Variants in ADGRV1 observed in about 807,000 individuals in gnomAD.
The protein encoded by ADGRV1 is adhesion G protein-coupled receptor V1.
A neutral mutation model predicts 596.2 loss-of-function variants in ADGRV1; 359 were observed. That is an observed-to-expected ratio of 0.60 (90% CI 0.55 to 0.66). The LOEUF (loss-of-function observed/expected upper bound fraction) is 0.66, where lower values mean the gene tolerates loss of function less well. Among genes scored for constraint, ADGRV1 ranks in the 30% least tolerant of loss-of-function variants. The pLI, the probability that ADGRV1 is intolerant of heterozygous loss-of-function variation, is 0.00. For missense variants in ADGRV1, 7,274 were observed against 7,575.6 expected (o/e 0.96, Z 1.48); for synonymous variants, 2,681 against 2,679.2 (o/e 1.00, Z -0.02).
rs529306198 is a variant in ADGRV1 at position 90,705,112 on chromosome 5, T to C, written c.8387-288T>C. ...CGTGAGCCACCACACCCGGCCCAAA[T>C]TGAGTCATTTTTAAGCAAATTATCT... On this transcript the variant is annotated intron_variant, in intron 36 of 89. Transcript: ENST00000405460. Among the ~76,000 whole-genome samples, 10 of 152,264 alleles carry C rather than the reference T, an allele frequency of 6.6e-5. 1 individual carries two copies. The East Asian group carries it at 7.7e-4, about 12-fold the overall frequency.
At chr5:90,808,711 A>G (rs1333796192) in intron 73 of ADGRV1, among the ~76,000 whole-genome samples, 1 of 152,168 alleles carries the variant, frequency 6.6e-6, no homozygotes, top group Non-Finnish European at 1.5e-5. Flanking sequence ...ACTGGCCAAC[A>G]TGGCAAAACC....
At chr5:90,875,241 C>T (rs934411971) in intron 83 of ADGRV1, among the ~76,000 whole-genome samples, 3 of 152,186 alleles carry the variant, frequency 2.0e-5, no homozygotes, top group African/African-American at 7.2e-5. Flanking sequence ...TAAATGTAAT[C>T]TGTAGTGATC....
chr5:91,141,038 A>G lies in ADGRV1; in HGVS notation c.18433-8992A>G, dbSNP rs943968878. 2.6e-5 allele frequency among the ~76,000 whole-genome samples: 4 copies of G among 152,242 alleles called. No individual in the cohort carries two copies. In the South Asian group the frequency reaches 6.2e-4, roughly 24 times the overall value. ...CTCTAACCTAATGTTTCTTATGTCC[A>G]TAAGTGACACACAGAGAAATATGTT... is the stretch of plus-strand genomic sequence containing the variant. On this transcript the variant is annotated intron_variant, in intron 87 of 89. Transcript: ENST00000405460.
intron 85 of ADGRV1, among the ~76,000 whole-genome samples, chr5:91,000,014 ATAAAAT>A (rs1781729429): frequency 6.6e-6 from 1 of 152,094 alleles, no homozygotes; most frequent in African/African-American, 2.4e-5. Flanking sequence ...TATTTTTCTT[ATAAAAT>A]TAATCAATAT....
chr5:90,606,943 G>C (rs73179771), intron 1 of ADGRV1, among the ~76,000 whole-genome samples: 2,950 of 152,232 alleles, frequency 0.019, 86 homozygotes, highest in African/African-American at 0.06. Flanking sequence ...AGGGTATGTA[G>C]AGACAAAAGT....
chr5:91,051,537 ATTTTT>A (rs1192844206), intron 85 of ADGRV1, among the ~76,000 whole-genome samples: 1 of 102,484 alleles, frequency 9.8e-6, no homozygotes, highest in Non-Finnish European at 1.8e-5. Context: ...TTGACTTAGG[ATTTTT>A]TTTTTTTTTT....
intron 85 of ADGRV1, among the ~76,000 whole-genome samples, chr5:91,014,313 A>T (rs932655274): frequency 1.3e-5 from 2 of 152,008 alleles, no homozygotes; most frequent in Non-Finnish European, 2.9e-5. Context: ...ATCGATGTTT[A>T]TCAAGGATAC....
At chr5:91,075,722 A>G (rs781301538) in intron 86 of ADGRV1, among the ~76,000 whole-genome samples, 1 of 151,962 alleles carries the variant, frequency 6.6e-6, no homozygotes, top group Non-Finnish European at 1.5e-5. Context: ...TCTCCATTTC[A>G]TTATCTCAGA....
chr5:90,833,430 GCACACCAC>G (rs1304806153), intron 77 of ADGRV1, among the ~76,000 whole-genome samples: 2 of 151,954 alleles, frequency 1.3e-5, no homozygotes, highest in Non-Finnish European at 2.9e-5. Context: ...GACTACAAGT[GCACACCAC>G]CACACCTGGC....
At chr5:91,038,080 C>T (rs1288532932) in intron 85 of ADGRV1, among the ~76,000 whole-genome samples, 1 of 152,058 alleles carries the variant, frequency 6.6e-6, no homozygotes, top group Non-Finnish European at 1.5e-5. Context: ...GAAAAAAATC[C>T]AAGGTCTAAA....
At position 90,728,911 on chromosome 5, in the gene ADGRV1, A is replaced by G. The variant is rs770946790; in HGVS notation, c.10404A>G (p.Ile3468Met). The G allele has an allele frequency of 1.9e-6, 3 of 1,611,548 alleles. No homozygotes were observed. In the East Asian group the frequency reaches 6.7e-5, roughly 36 times the overall value. The change falls in exon 49 of 90, where the codon ATA becomes ATG. Residue 3468 changes from isoleucine (I) to methionine (M), a missense_variant. By Grantham distance (10) the Ile-to-Met change is conservative. Coordinates refer to ENST00000405460, the MANE Select transcript of ADGRV1 (RefSeq NM_032119.4). ...ALSSANDIYL[I>M]FAENVFLGDQ... ...CTTCAGCCAATGATATTTACCTAAT[A>G]TTTGCCGAAAATGTCTTTCTAGGTG...
At chr5:90,977,971 A>G (rs1395854817) in intron 84 of ADGRV1, among the ~76,000 whole-genome samples, 7 of 152,176 alleles carry the variant, frequency 4.6e-5, no homozygotes, top group Non-Finnish European at 4.4e-5. Flanking sequence ...ATATAACTTT[A>G]TGTTTGGCCT....
intron 84 of ADGRV1, among the ~76,000 whole-genome samples, chr5:90,975,379 C>T (rs1779466772): frequency 6.6e-6 from 1 of 152,118 alleles, no homozygotes; most frequent in Non-Finnish European, 1.5e-5. Context: ...ATAAATCATG[C>T]TGCTATAAAG....
At chr5:90,658,620 T>C (rs552496050) in intron 21 of ADGRV1, among the ~76,000 whole-genome samples, 1 of 152,290 alleles carries the variant, frequency 6.6e-6, no homozygotes, top group South Asian at 2.1e-4. Context: ...AAATAATATA[T>C]ATTGAAGGCT....
At chr5:91,061,173 AG>A (rs560867619) in intron 85 of ADGRV1, among the ~76,000 whole-genome samples, 6 of 152,338 alleles carry the variant, frequency 3.9e-5, no homozygotes, top group African/African-American at 1.2e-4. Flanking sequence ...GATATTTTCC[AG>A]TACCAAACAA....
chr5:90,734,949 A>G (rs1753029243), intron 50 of ADGRV1, among the ~76,000 whole-genome samples: 1 of 152,242 alleles, frequency 6.6e-6, no homozygotes, highest in Non-Finnish European at 1.5e-5. Flanking sequence ...AGATAGCTGT[A>G]TGGGTTTAAA....
At chr5:90,815,075 A>G (rs1762772868) in intron 74 of ADGRV1, among the ~76,000 whole-genome samples, 1 of 152,012 alleles carries the variant, frequency 6.6e-6, no homozygotes, top group Non-Finnish European at 1.5e-5. Context: ...GAGTTCCTTA[A>G]TATTTCTGTT....
intron 1 of ADGRV1, among the ~76,000 whole-genome samples, chr5:90,601,965 G>A (rs1330436226): frequency 2.6e-5 from 4 of 152,206 alleles, no homozygotes; most frequent in East Asian, 1.9e-4. Flanking sequence ...GGAACATTAT[G>A]ATCAAGAGCC....
At chr5:90,978,792 A>C (rs1413156522) in intron 84 of ADGRV1, among the ~76,000 whole-genome samples, 1 of 152,192 alleles carries the variant, frequency 6.6e-6, no homozygotes, top group African/African-American at 2.4e-5. Flanking sequence ...ATATAAACAA[A>C]CTCAAAACTA....
Sources: gnomAD v4.1 joint callset for allele counts (sites outside exome capture counted in the v4.1 genomes callset) on GRCh38, gnomAD v4.1.1 for gene constraint, MANE v1.5 for transcripts, NCBI Gene and HGNC (gene_info 2026-07-23, HGNC 2026-07-21) for gene names.